Variants in HTR3B observed in about 807,000 individuals in gnomAD.
The protein encoded by HTR3B is 5-hydroxytryptamine receptor 3B.
In HTR3B, 44 loss-of-function variants were observed where a neutral mutation model predicts 42.8. The ratio of observed to expected loss-of-function variants is 1.03; its 90% CI spans 0.81 to 1.32. The LOEUF is 1.32. HTR3B is among the 40% of genes most tolerant of loss of function. The probability of loss-of-function intolerance (pLI) is 0.00; values close to 1 mark genes in which losing one functional copy is unlikely to be tolerated. For synonymous variants in HTR3B, 203 were observed against 209.0 expected, an observed-to-expected ratio of 0.97 and a Z score of 0.25; for missense variants, 527 against 536.5, an observed-to-expected ratio of 0.98 and a Z score of 0.17.
In HTR3B at chr11:113,946,190, G is replaced by A; in HGVS notation, c.*53G>A. 1 of 1,423,556 alleles carries A rather than the reference G, an allele frequency of 7.0e-7. No individual in the cohort carries two copies. The highest frequency in any genetic ancestry group is 9.9e-7 in the Non-Finnish European group (1 of 1,014,090). The allele number at this position is 1,423,556 out of a possible 1,614,324, so 88.2% of individuals were successfully genotyped here. A position where few individuals can be genotyped will look rare whatever the true frequency, so the allele number is the denominator to read the frequency against. ...CTGGCACTTAGGAGAGAGAGGAGGG[G>A]GAATAATAGTGGGTTAAAAAGCTTT... On this transcript the variant is annotated 3_prime_UTR_variant, in exon 9 of 9. Coordinates refer to ENST00000260191, the MANE Select transcript of HTR3B (RefSeq NM_006028.5).
chr11:113,924,924 T>C (rs973748577), intron 2 of HTR3B, among the ~76,000 whole-genome samples: 1 of 152,240 alleles, frequency 6.6e-6, no homozygotes, highest in African/African-American at 2.4e-5. Context: ...ACTATGTTTC[T>C]ATGTGCTCCG....
chr11:113,924,826 C>T (rs1164791417), intron 2 of HTR3B, among the ~76,000 whole-genome samples: 1 of 151,924 alleles, frequency 6.6e-6, no homozygotes, highest in Non-Finnish European at 1.5e-5. Context: ...TTAAAACTTG[C>T]CTTTCCCAAG....
chr11:113,943,461 G>A (rs980618398), intron 7 of HTR3B, among the ~76,000 whole-genome samples: 3 of 152,058 alleles, frequency 2.0e-5, no homozygotes, highest in Admixed American at 2.0e-4. Flanking sequence ...AGCCTCCTGA[G>A]TAGCTGGGAT....
chr11:113,937,053 G>T (rs1457386343), intron 6 of HTR3B, among the ~76,000 whole-genome samples: 1 of 152,168 alleles, frequency 6.6e-6, no homozygotes, highest in Non-Finnish European at 1.5e-5. Context: ...GTGTCTAATG[G>T]GGAACATGGA....
At chr11:113,938,243 A>G (rs1282182905) in intron 6 of HTR3B, among the ~76,000 whole-genome samples, 2 of 152,168 alleles carry the variant, frequency 1.3e-5, no homozygotes, top group Non-Finnish European at 2.9e-5. Flanking sequence ...TCAACCTAGT[A>G]GAGTCTGCAA....
At chr11:113,929,933 C>T (rs1267454535) in intron 2 of HTR3B, among the ~76,000 whole-genome samples, 1 of 152,040 alleles carries the variant, frequency 6.6e-6, no homozygotes, top group Admixed American at 6.6e-5. Flanking sequence ...GGGGTTTTGC[C>T]GTGTTAGCCA....
intron 2 of HTR3B, among the ~76,000 whole-genome samples, chr11:113,922,385 C>T (rs922501361): frequency 1.3e-5 from 2 of 151,884 alleles, no homozygotes; most frequent in Admixed American, 1.3e-4. Flanking sequence ...AGGTGTATAC[C>T]ACCATATCGG....
rs747847997 is a variant in HTR3B, at chr11:113,904,946, G to T, written c.13G>T (p.Val5Leu). 3.1e-6 allele frequency: 5 copies of T among 1,613,786 alleles called. No homozygotes were observed. In the African/African-American group the frequency reaches 5.3e-5, roughly 17 times the overall value. MLSS[V>L]MAPLWACILV... is the part of the protein sequence containing the mutation. Reference sequence around the variant, plus strand: ...GATCTGCCCAGGAATGTTGTCAAGTGTAATGGCTCCCCTGTGGGCCTGCAT... The same window carrying T: ...GATCTGCCCAGGAATGTTGTCAAGTTTAATGGCTCCCCTGTGGGCCTGCAT... The change falls in exon 1 of 9, where the codon GTA becomes TTA. Residue 5 changes from valine (V) to leucine (L), a missense_variant. Transcript: ENST00000260191.
At chr11:113,942,140 C>A (rs918171337) in intron 6 of HTR3B, among the ~76,000 whole-genome samples, 1 of 152,046 alleles carries the variant, frequency 6.6e-6, no homozygotes, top group African/African-American at 2.4e-5. Context: ...GAGGCTGAGG[C>A]AGGGGGATCA....
intron 4 of HTR3B, 51 bp from the exon 5 acceptor site, chr11:113,932,238 A>G (rs1394736630): frequency 1.3e-6 from 2 of 1,486,720 alleles, no homozygotes; most frequent in South Asian, 2.4e-5. Context: ...CTATGTTTTG[A>G]AATGACCAAC....
At chr11:113,900,753 AT>A (rs1296713933), upstream of HTR3B, among the ~76,000 whole-genome samples, 10 of 152,142 alleles carry the variant, frequency 6.6e-5, no homozygotes, top group African/African-American at 2.4e-4. Context: ...TGGGTAATTT[AT>A]AAAGAAAGTG....
chr11:113,901,448 A>T (rs986445153), upstream of HTR3B, among the ~76,000 whole-genome samples: 1 of 143,786 alleles, frequency 7.0e-6, no homozygotes, highest in Non-Finnish European at 1.5e-5. Context: ...CTCTTAGGGA[A>T]AAAAAAAAAA....
At chr11:113,926,248 T>G (rs1218676797) in intron 2 of HTR3B, among the ~76,000 whole-genome samples, 1 of 152,222 alleles carries the variant, frequency 6.6e-6, no homozygotes, top group East Asian at 1.9e-4. Context: ...TATCACATTT[T>G]GTTTATTCAC....
At chr11:113,918,584 G>T (rs1487121032) in intron 2 of HTR3B, among the ~76,000 whole-genome samples, 1 of 146,358 alleles carries the variant, frequency 6.8e-6, no homozygotes, top group Non-Finnish European at 1.5e-5. Context: ...AACGCCAATA[G>T]TTCATTTCTT....
Position 113,946,103 on chromosome 11 carries a change from T to A in HTR3B, c.1292T>A (p.Leu431Gln). Residue 431 changes from leucine to glutamine, a missense_variant, in exon 9 of 9, where the codon CTG becomes CAG. Coordinates refer to ENST00000260191, the MANE Select transcript of HTR3B (RefSeq NM_006028.5). ...ATGCTGGGGATCTACACCATCACTC[T>A]GTGCTCCCTCTGGGCACTGTGGGGC... ...LFMLGIYTITLCSLWALWGGV is the reference protein window; with the variant it reads ...LFMLGIYTITQCSLWALWGGV 6.2e-7 allele frequency: 1 copy of A among 1,614,062 alleles called. No homozygotes were observed. Among genetic ancestry groups the A allele is most frequent in the Non-Finnish European group, 8.5e-7 (1 of 1,179,944 alleles).
chr11:113,913,787 T>G (rs1270227765), intron 2 of HTR3B, among the ~76,000 whole-genome samples: 2 of 152,174 alleles, frequency 1.3e-5, no homozygotes, highest in African/African-American at 4.8e-5. Context: ...AGTGCTGGAT[T>G]ACAGGAGTGA....
rs1289138355 is a variant in HTR3B at position 113,909,312 on chromosome 11, A to G, written c.70A>G (p.Thr24Ala). The change falls in exon 2 of 9, where the codon ACA becomes GCA. Residue 24 changes from threonine to alanine, a missense_variant. Thr to Ala is a moderately conservative substitution (Grantham distance 58). Coordinates refer to ENST00000260191, the MANE Select transcript of HTR3B (RefSeq NM_006028.5). The stretch of plus-strand genomic sequence containing the variant: ...TTTTCCAGGAATTCTAGCCACAGAT[A>G]CACATCATCCCCAGGATTCTGCTCT... ...LVAAGILATD[T>A]HHPQDSALYH... The G allele has an allele frequency of 2.5e-6, 4 of 1,612,894 alleles. No individual in the cohort carries two copies. Among genetic ancestry groups the G allele is most frequent in the Non-Finnish European group, 3.4e-6 (4 of 1,178,854 alleles).
intron 2 of HTR3B, 86 bp from the exon 3 acceptor site, chr11:113,931,298 C>T (rs1950032659): frequency 2.1e-6 from 2 of 955,886 alleles, no homozygotes; most frequent in Non-Finnish European, 3.3e-6. Flanking sequence ...ATTTGATTTT[C>T]TTCTTCTGAA....
At chr11:113,942,287 A>T (rs971397580) in intron 6 of HTR3B, among the ~76,000 whole-genome samples, 1 of 151,896 alleles carries the variant, frequency 6.6e-6, no homozygotes, top group African/African-American at 2.4e-5. Context: ...AAAAAAAGAA[A>T]CCCCGTCTCT....
Sources: gnomAD v4.1 joint callset for allele counts (sites outside exome capture counted in the v4.1 genomes callset) on GRCh38, gnomAD v4.1.1 for gene constraint, MANE v1.5 for transcripts, NCBI Gene and HGNC (gene_info 2026-07-23, HGNC 2026-07-21) for gene names.